The following MRTFA variants were observed in gnomAD, a reference collection of about 807,000 sequenced individuals.
MRTFA encodes myocardin related transcription factor A.
MRTFA carries 20 observed loss-of-function variants against 83.5 expected under a neutral mutation model. The observed-to-expected ratio is 0.24, with a 90% CI of 0.17 to 0.35. The LOEUF (loss-of-function observed/expected upper bound fraction) is 0.35. Among genes scored for constraint, MRTFA ranks in the 10% least tolerant of loss-of-function variants. The probability of loss-of-function intolerance (pLI) is 1.00; values close to 1 mark genes in which losing one functional copy is unlikely to be tolerated. For missense variants in MRTFA, 1,200 were observed against 1,224.7 expected, an observed-to-expected ratio of 0.98 and a Z score of 0.30; for synonymous variants, 659 against 541.2, an observed-to-expected ratio of 1.22 and a Z score of -3.02.
At chr22:40,449,593 T>C (rs1169399471) in intron 4 of MRTFA, among the ~76,000 whole-genome samples, 2 of 152,186 alleles carry the variant, frequency 1.3e-5, no homozygotes, top group African/African-American at 4.8e-5. Flanking sequence ...AAACATTGCT[T>C]CCCTAATCTA....
chr22:40,491,449 C>T (rs1000786036), intron 3 of MRTFA, among the ~76,000 whole-genome samples: 7 of 152,084 alleles, frequency 4.6e-5, no homozygotes, highest in South Asian at 2.1e-4. Context: ...AAAACTAAGA[C>T]GCAATACAAG....
At chr22:40,521,662 C>T (rs1569309523) in intron 3 of MRTFA, 1 of 151,912 alleles carries the variant, frequency 6.6e-6, no homozygotes, top group Admixed American at 6.6e-5. Flanking sequence ...CCACGCCTGG[C>T]CAATTTTTGT....
chr22:40,540,941 A>G (rs564456420), intron 3 of MRTFA, among the ~76,000 whole-genome samples: 5 of 152,132 alleles, frequency 3.3e-5, no homozygotes, highest in Admixed American at 2.6e-4. Flanking sequence ...GGAAAAGTTC[A>G]TAACAAAAAA....
rs2054761644 is a variant in MRTFA at position 40,516,462 on chromosome 22, A to G, written c.241+35644T>C. On this transcript the variant is annotated intron_variant, in intron 3 of 14. Coordinates refer to ENST00000355630, the MANE Select transcript of MRTFA (RefSeq NM_020831.6). The stretch of plus-strand genomic sequence containing the variant: ...AAAAAAAGGAAAAAGAAAAAAAAAA[A>G]AAGTTTCTGAAAGCCTTCTCAGAAG... 2.6e-5 allele frequency among the ~76,000 whole-genome samples: 4 copies of G among 151,570 alleles called. No homozygotes were observed. In the South Asian group the frequency reaches 8.3e-4, roughly 32 times the overall value.
At chr22:40,625,174 G>T (rs2056566981) in intron 1 of MRTFA, among the ~76,000 whole-genome samples, 1 of 152,038 alleles carries the variant, frequency 6.6e-6, no homozygotes, top group Admixed American at 6.6e-5. Flanking sequence ...ATGTTAAATA[G>T]TTCAATGAAT....
intron 3 of MRTFA, among the ~76,000 whole-genome samples, chr22:40,490,186 C>T (rs1468281615): frequency 6.6e-6 from 1 of 152,078 alleles, no homozygotes; most frequent in Non-Finnish European, 1.5e-5. Context: ...AGTCCTAAGC[C>T]ATACTATCCC....
chr22:40,539,484 G>A (rs182959014), intron 3 of MRTFA, among the ~76,000 whole-genome samples: 4,344 of 132,152 alleles, frequency 0.033, 126 homozygotes, highest in African/African-American at 0.075. Flanking sequence ...GACTACGGGC[G>A]CCCACCACCA....
At chr22:40,457,488 AGG>A (rs2053615626) in intron 4 of MRTFA, among the ~76,000 whole-genome samples, 1 of 126,596 alleles carries the variant, frequency 7.9e-6, no homozygotes, top group Non-Finnish European at 1.8e-5. Context: ...GAAAGAAAGA[AGG>A]AAAGAAAGAA....
intron 7 of MRTFA, among the ~76,000 whole-genome samples, chr22:40,426,890 C>T (rs188446798): frequency 6.6e-6 from 1 of 152,196 alleles, no homozygotes; most frequent in South Asian, 2.1e-4. Flanking sequence ...CAAGGACCAT[C>T]CATCATCGTG....
At chr22:40,531,642 C>T (rs753970619) in intron 3 of MRTFA, among the ~76,000 whole-genome samples, 1 of 152,082 alleles carries the variant, frequency 6.6e-6, no homozygotes, top group African/African-American at 2.4e-5. Context: ...TATTCTATTG[C>T]TAGAAAACCT....
At chr22:40,429,098 G>C (rs536319402) in intron 7 of MRTFA, among the ~76,000 whole-genome samples, 17 of 152,144 alleles carry the variant, frequency 1.1e-4, no homozygotes, top group Non-Finnish European at 2.1e-4. Flanking sequence ...GCTCCTAGGC[G>C]TGAGCTCCAT....
chr22:40,428,238 A>C (rs1448852698), intron 7 of MRTFA, among the ~76,000 whole-genome samples: 1 of 152,148 alleles, frequency 6.6e-6, no homozygotes, highest in Non-Finnish European at 1.5e-5. Context: ...AAGTGGGGCT[A>C]AGTCTTGTGG....
At chr22:40,477,193 AAAAAAAAAT>A (rs2054012759) in intron 3 of MRTFA, among the ~76,000 whole-genome samples, 3 of 146,442 alleles carry the variant, frequency 2.0e-5, no homozygotes, top group African/African-American at 7.8e-5. Flanking sequence ...AAAAAAAAAA[AAAAAAAAAT>A]AGCCGGGCAT....
At chr22:40,459,650 T>C (rs1427000521) in intron 4 of MRTFA, among the ~76,000 whole-genome samples, 3 of 151,598 alleles carry the variant, frequency 2.0e-5, no homozygotes, top group South Asian at 4.2e-4. Flanking sequence ...AGGTTTTCAA[T>C]AGAGCGGTAT....
chr22:40,622,620 T>C (rs575599884), intron 1 of MRTFA, among the ~76,000 whole-genome samples: 18 of 152,186 alleles, frequency 1.2e-4, no homozygotes, highest in Middle Eastern at 3.4e-3. Context: ...ACCTTGAAGA[T>C]TGAAGTGACG....
At chr22:40,623,150 C>G (rs539873402) in intron 1 of MRTFA, among the ~76,000 whole-genome samples, 2 of 152,266 alleles carry the variant, frequency 1.3e-5, no homozygotes, top group Non-Finnish European at 2.9e-5. Flanking sequence ...GTTAGAAAGT[C>G]CAGAGTACTA....
At chr22:40,576,413 T>G (rs1449861787) in intron 2 of MRTFA, among the ~76,000 whole-genome samples, 1 of 152,154 alleles carries the variant, frequency 6.6e-6, no homozygotes, top group Non-Finnish European at 1.5e-5. Flanking sequence ...AACGTTTAGG[T>G]GAATGCTGAT....
At chr22:40,525,712 T>C (rs1457640612) in intron 3 of MRTFA, among the ~76,000 whole-genome samples, 1 of 152,116 alleles carries the variant, frequency 6.6e-6, no homozygotes, top group African/African-American at 2.4e-5. Context: ...GGGCACGCTA[T>C]ACAAATATTT....
chr22:40,524,968 C>A (rs1356337042), intron 3 of MRTFA, among the ~76,000 whole-genome samples: 2 of 152,128 alleles, frequency 1.3e-5, no homozygotes, highest in Non-Finnish European at 2.9e-5. Context: ...CCACCACACC[C>A]AGCTAATTTT....
Sources: gnomAD v4.1 joint callset for allele counts (sites outside exome capture counted in the v4.1 genomes callset) on GRCh38, gnomAD v4.1.1 for gene constraint, MANE v1.5 for transcripts, NCBI Gene and HGNC (gene_info 2026-07-23, HGNC 2026-07-21) for gene names.